The following RBM5 variants were observed in gnomAD, a reference collection of about 807,000 sequenced individuals.
RBM5 encodes RNA binding motif protein 5, also known as RNA-binding protein 5.
RBM5 carries 15 observed loss-of-function variants against 124.6 expected under a neutral mutation model. That is an observed-to-expected ratio of 0.12 (90% CI 0.08 to 0.19). RBM5 has a LOEUF of 0.19. Among genes scored for constraint, RBM5 ranks in the 10% least tolerant of loss-of-function variants. The probability of loss-of-function intolerance (pLI) is 1.00; values close to 1 mark genes in which losing one functional copy is unlikely to be tolerated. For synonymous variants in RBM5, 337 were observed against 361.2 expected (o/e 0.93, Z 0.76); for missense variants, 580 against 1,026.5 (o/e 0.57, Z 5.94).
rs769311101 is a variant in RBM5, at chr3:50,117,909, C to T, written c.2323-422C>T. 8.3e-5 allele frequency: 15 copies of T among 180,838 alleles called. No individual in the cohort carries two copies. The highest frequency in any genetic ancestry group is 1.4e-4 in the Non-Finnish European group (12 of 85,034). The allele number at this position is 180,838 out of a possible 1,614,324, so 11.2% of individuals were successfully genotyped here. A position where few individuals can be genotyped will look rare whatever the true frequency, so the allele number is the denominator to read the frequency against. On this transcript the variant is annotated intron_variant, in intron 24 of 24. Transcript: ENST00000347869. This position sits in a 1 kb window ranked among gnomAD's most constrained non-coding sequence, Gnocchi z 4.2. ...TGGCCTTCTAGGCAGGAGCTCCACC[C>T]GTAATTGCCCCTGCTCTGTCCTGGG...
intron 22 of RBM5, chr3:50,116,860 C>T (rs551601376): frequency 1.8e-6 from 1 of 548,902 alleles, no homozygotes; most frequent in East Asian, 3.2e-5. Flanking sequence ...ATAGTTCTGC[C>T]CCTGGTTCCA....
intron 17 of RBM5, 69 bp downstream of exon 17, chr3:50,110,839 A>G: frequency 1.6e-6 from 2 of 1,245,388 alleles, no homozygotes; most frequent in Non-Finnish European, 1.1e-6. Flanking sequence ...TGAGGCATAA[A>G]ATGAAATATT....
intron 2 of RBM5, among the ~76,000 whole-genome samples, chr3:50,091,241 G>A (rs896934681): frequency 6.6e-6 from 1 of 152,214 alleles, no homozygotes; most frequent in Admixed American, 6.5e-5. Flanking sequence ...CCCCTTTGGG[G>A]TGTCTCAGTC....
intron 2 of RBM5, 141 bp from the exon 3 acceptor site, chr3:50,091,902 G>T: frequency 1.1e-6 from 1 of 874,984 alleles, no homozygotes. Flanking sequence ...TAGTAAACTG[G>T]AATTTGGTAA....
At chr3:50,113,682 A>C in intron 18 of RBM5, 138 bp downstream of exon 18, 1 of 1,093,636 alleles carries the variant, frequency 9.1e-7, no homozygotes, top group East Asian at 2.7e-5. Context: ...TTCTTAGAGC[A>C]TTTTGCAATT....
intron 4 of RBM5, 199 bp downstream of exon 4, chr3:50,094,074 C>A: frequency 2.1e-6 from 1 of 485,086 alleles, no homozygotes; most frequent in Non-Finnish European, 3.7e-6. Flanking sequence ...TTTGCATTTA[C>A]ATAAGTCTAA....
intron 6 of RBM5, chr3:50,101,583 A>G (rs540474754): frequency 2.3e-4 from 35 of 152,308 alleles, no homozygotes; most frequent in African/African-American, 7.9e-4. Context: ...AGCTTCATTC[A>G]TTTCATACCA....
In RBM5 at chr3:50,105,058, G is replaced by T; in HGVS notation, c.629-19G>T. On this transcript the variant is annotated intron_variant, in intron 8 of 24. Coordinates refer to ENST00000347869, the MANE Select transcript of RBM5 (RefSeq NM_005778.4). ...ATACATTAGTTGTTTGTCTCTAATT[G>T]GATCACTTTCCCTTCTAGACTCTGA... 6.5e-7 allele frequency: 1 copy of T among 1,529,158 alleles called. No homozygotes were observed. Among genetic ancestry groups the T allele is most frequent in the Non-Finnish European group, 9.0e-7 (1 of 1,106,724 alleles). The allele number at this position is 1,529,158 out of a possible 1,614,324, so 94.7% of individuals were successfully genotyped here.
intron 1 of RBM5, 151 bp downstream of exon 1, chr3:50,089,180 T>C (rs1258106280): frequency 2.0e-5 from 3 of 152,564 alleles, no homozygotes; most frequent in Admixed American, 2.0e-4. Flanking sequence ...GGCCGCGCCC[T>C]TCCTTGTTGC....
Position 50,091,734 on chromosome 3 carries a change from A to G in RBM5, c.18-309A>G, listed in dbSNP as rs189538019. ...GATCTGAATCAGGGATGAAGGGATA[A>G]TATGTAGACTCTAGGCTTGACAAAA... On this transcript the variant is annotated intron_variant, in intron 2 of 24. Coordinates refer to ENST00000347869, the MANE Select transcript of RBM5 (RefSeq NM_005778.4). 9.2e-5 allele frequency among the ~76,000 whole-genome samples: 14 copies of G among 152,352 alleles called. No homozygotes were observed. In the East Asian group the frequency reaches 2.7e-3, roughly 29 times the overall value.
intron 17 of RBM5, among the ~76,000 whole-genome samples, chr3:50,111,528 C>T (rs2091144805): frequency 6.6e-6 from 1 of 152,076 alleles, no homozygotes; most frequent in African/African-American, 2.4e-5. Context: ...GGATTACAGG[C>T]GCCCACCACA....
At position 50,109,697 on chromosome 3, in the gene RBM5, G is replaced by A. The variant is rs373924611; in HGVS notation, c.1278+9G>A. ...ATCCACCTGGCTCTCCGGTAATCCT[G>A]TTGTCCTATATACAAAACTCGTGGC... is the stretch of plus-strand genomic sequence containing the variant. On this transcript the variant is annotated intron_variant, in intron 15 of 24. Coordinates refer to ENST00000347869, the MANE Select transcript of RBM5 (RefSeq NM_005778.4). 1.2e-6 allele frequency: 2 copies of A among 1,607,728 alleles called. No homozygotes were observed. The highest frequency in any genetic ancestry group is 1.7e-6 in the Non-Finnish European group (2 of 1,174,360).
At chr3:50,107,599 A>C in intron 12 of RBM5, 30 bp downstream of exon 12, 1 of 1,361,092 alleles carries the variant, frequency 7.3e-7, no homozygotes, top group South Asian at 1.2e-5. Flanking sequence ...TGCTCAAGGT[A>C]GTGTGGTGGT....
chr3:50,116,840 T>A (rs979922054), intron 22 of RBM5: 7 of 511,148 alleles, frequency 1.4e-5, no homozygotes, highest in African/African-American at 1.3e-4. Context: ...TAAAACTGCT[T>A]GTTGGAGACA....
chr3:50,106,106 C>CCA (rs2091022366), intron 10 of RBM5, among the ~76,000 whole-genome samples: 1 of 146,954 alleles, frequency 6.8e-6, no homozygotes, highest in African/African-American at 2.6e-5. Context: ...GTGCCCGCCA[C>CCA]CACGCCCAGC....
rs1266805726 is a variant in RBM5, at chr3:50,110,534, T to C, written c.1363+71T>C. On this transcript the variant is annotated intron_variant, in intron 16 of 24. Transcript: ENST00000347869. The stretch of plus-strand genomic sequence containing the variant: ...TGTTGTCTTTGTTTAATGAGAGTTC[T>C]TCTCCCTTTGCGGGTGTCAGAGGGA... 6 of 1,514,544 alleles carry C rather than the reference T, an allele frequency of 4.0e-6. No homozygotes were observed. The East Asian group carries it at 1.4e-4, about 34-fold the overall frequency. 93.8% of individuals were successfully genotyped at this position (1,514,544 alleles called of 1,614,324 possible). A position where few individuals can be genotyped will look rare whatever the true frequency, so the allele number is the denominator to read the frequency against.
chr3:50,092,322 GAGGCC>G, intron 3 of RBM5, 114 bp downstream of exon 3: 1 of 1,212,256 alleles, frequency 8.2e-7, no homozygotes. Flanking sequence ...ATCACTTTGG[GAGGCC>G]AAGGCGGCCA....
At chr3:50,110,856 A>G (rs1335539749) in intron 17 of RBM5, 86 bp downstream of exon 17, 4 of 1,093,894 alleles carry the variant, frequency 3.7e-6, no homozygotes, top group Non-Finnish European at 5.2e-6. Flanking sequence ...TATTTCCTGC[A>G]AAAGAATATA....
rs187689635 is a variant in RBM5 at position 50,109,755 on chromosome 3, T to C, written c.1278+67T>C. ...GAAATTTTGTTTTGCTATACAAGTA[T>C]TACCCTTTCCTGTTGTATGAGCCAG... On this transcript the variant is annotated intron_variant, in intron 15 of 24. Coordinates refer to ENST00000347869, the MANE Select transcript of RBM5 (RefSeq NM_005778.4). 3.7e-3 allele frequency: 4,878 copies of C among 1,305,150 alleles called. 18 individuals carry two copies. Among genetic ancestry groups the C allele is most frequent in the Non-Finnish European group, 4.8e-3 (4,297 of 899,296 alleles). The allele number at this position is 1,305,150 out of a possible 1,614,324, so 80.8% of individuals were successfully genotyped here. A position where few individuals can be genotyped will look rare whatever the true frequency, so the allele number is the denominator to read the frequency against.
Sources: gnomAD v4.1 joint callset for allele counts (sites outside exome capture counted in the v4.1 genomes callset) on GRCh38, gnomAD v4.1.1 for gene constraint, Gnocchi (gnomAD v3.1) non-coding constraint, MANE v1.5 for transcripts, NCBI Gene and HGNC (gene_info 2026-07-23, HGNC 2026-07-21) for gene names.